The following WDR47 variants were observed in gnomAD, a reference collection of about 807,000 sequenced individuals.
The protein encoded by WDR47 is WD repeat domain 47.
Under a neutral mutation model 97.2 loss-of-function variants are expected in WDR47, and 32 were observed. That is an observed-to-expected ratio of 0.33 (90% CI 0.25 to 0.44). The LOEUF (loss-of-function observed/expected upper bound fraction) is 0.44, where lower values mean the gene tolerates loss of function less well. Among genes scored for constraint, WDR47 ranks in the 20% least tolerant of loss-of-function variants. The pLI is 1.00. For missense variants in WDR47, 782 were observed against 1,102.3 expected (o/e 0.71, Z 4.11); for synonymous variants, 375 against 373.5 (o/e 1.00, Z -0.05).
chr1:109,008,353 T>A (rs2101929647), intron 5 of WDR47, among the ~76,000 whole-genome samples: 1 of 151,420 alleles, frequency 6.6e-6, no homozygotes, highest in East Asian at 2.0e-4. Context: ...TCACTACACC[T>A]CTGCCTCCCA....
chr1:108,993,608 A>G, intron 8 of WDR47, among the ~76,000 whole-genome samples: 2 of 152,202 alleles, frequency 1.3e-5, no homozygotes, highest in Non-Finnish European at 2.9e-5. Flanking sequence ...AGGAAATCCC[A>G]GCAGAACAGT....
At chr1:109,011,814 C>A in intron 4 of WDR47, 96 bp from the exon 5 acceptor site, 2 of 1,123,790 alleles carry the variant, frequency 1.8e-6, no homozygotes, top group Non-Finnish European at 2.5e-6. Flanking sequence ...TATATTGCCA[C>A]AGAATACTCA....
chr1:108,974,002 T>G (rs1280708243), intron 14 of WDR47, among the ~76,000 whole-genome samples: 2 of 152,154 alleles, frequency 1.3e-5, no homozygotes, highest in Admixed American at 6.6e-5. Flanking sequence ...GAGACCAGCC[T>G]GCGCAACATG....
intron 14 of WDR47, among the ~76,000 whole-genome samples, chr1:108,973,267 A>AG (rs1294220532): frequency 1.3e-5 from 2 of 152,304 alleles, no homozygotes; most frequent in African/African-American, 4.8e-5. Context: ...CAACAGAACA[A>AG]GACTCTGTCT....
rs561050099 is a variant in WDR47, at chr1:108,996,310, G to A, written c.1434-473C>T. Among the ~76,000 whole-genome samples, 26 of 152,132 alleles carry A rather than the reference G, an allele frequency of 1.7e-4. No individual in the cohort carries two copies. In the East Asian group the frequency reaches 3.5e-3, roughly 20 times the overall value. On this transcript the variant is annotated intron_variant, in intron 7 of 14. Transcript: ENST00000369962. Reference sequence around the variant, plus strand: ...GGTTCAAGCTATCCTCCTGCCTTCCGCCCAAAGTGCTGGGATTATAGGCAT... The same window carrying A: ...GGTTCAAGCTATCCTCCTGCCTTCCACCCAAAGTGCTGGGATTATAGGCAT...
intron 1 of WDR47, among the ~76,000 whole-genome samples, chr1:109,036,602 C>G (rs762843896): frequency 6.6e-6 from 1 of 150,906 alleles, no homozygotes; most frequent in Non-Finnish European, 1.5e-5. Context: ...TTTGGAAGGC[C>G]GAGGCAAGCG....
chr1:109,011,466 A>T lies in WDR47; in HGVS notation c.580T>A (p.Leu194Ile). Reference protein sequence around the residue: ...EAGFKASNNRLFQLVMKGLLY... With the variant: ...EAGFKASNNRIFQLVMKGLLY... Reference sequence around the variant, plus strand: ...AGGCCTTTCATTACAAGCTGAAATAAACGATTGTTACTAGCCTTAAAACCA... The same window carrying T: ...AGGCCTTTCATTACAAGCTGAAATATACGATTGTTACTAGCCTTAAAACCA... Residue 194 changes from leucine (L) to isoleucine (I), a missense_variant, in exon 5 of 15, where the codon TTA becomes ATA. Leu to Ile is a conservative substitution (Grantham distance 5). Transcript: ENST00000369962. 6.2e-7 allele frequency: 1 copy of T among 1,614,162 alleles called. No homozygotes were observed. The highest frequency in any genetic ancestry group is 8.5e-7 in the Non-Finnish European group (1 of 1,180,034).
At chr1:108,972,617 A>G (rs1243636604) in intron 14 of WDR47, among the ~76,000 whole-genome samples, 1 of 152,142 alleles carries the variant, frequency 6.6e-6, no homozygotes, top group African/African-American at 2.4e-5. Flanking sequence ...CTGTTAACCT[A>G]TAACTGCTAT....
At chr1:108,996,794 C>T (rs1659781107) in intron 7 of WDR47, among the ~76,000 whole-genome samples, 1 of 152,192 alleles carries the variant, frequency 6.6e-6, no homozygotes, top group Non-Finnish European at 1.5e-5. Context: ...ACAAAGGGCA[C>T]AAACAGGAAG....
At position 108,990,147 on chromosome 1, in the gene WDR47, A is replaced by G. The variant is rs189132520; in HGVS notation, c.1767+1107T>C. Among the ~76,000 whole-genome samples, 321 of 152,146 alleles carry G rather than the reference A, an allele frequency of 2.1e-3. 2 individuals are homozygous for G. The highest frequency in any genetic ancestry group is 7.3e-3 in the African/African-American group (305 of 41,528). On this transcript the variant is annotated intron_variant, in intron 9 of 14. Coordinates refer to ENST00000369962, the MANE Select transcript of WDR47 (RefSeq NM_001142551.2). ...GAGGTCGAGGTGGGAGGATTGCTTG[A>G]GCCCAGGAATTTGAGACCAGCCTGG...
chr1:108,981,243 TGTGTGTGTGTGC>T lies in WDR47; in HGVS notation c.2398+478_2398+489del, dbSNP rs1308332446. Among the ~76,000 whole-genome samples the T allele has an allele frequency of 7.9e-5, 12 of 152,118 alleles. 1 individual carries two copies. Among genetic ancestry groups the T allele is most frequent in the African/African-American group, 2.9e-4 (12 of 41,520 alleles). On this transcript the variant is annotated intron_variant, in intron 13 of 14. Coordinates refer to ENST00000369962, the MANE Select transcript of WDR47 (RefSeq NM_001142551.2). ...TGTAATGCATGCTACCATTTGTGTG[TGTGTGTGTGTGC>T]GTGTGTGTGTATTTGTGTTTACAGG...
Position 109,028,362 on chromosome 1 carries a change from G to GTTTTTTTTTTTTTTT in WDR47, c.-9-4856_-9-4842dup, listed in dbSNP as rs372929187. Among the ~76,000 whole-genome samples, 35 of 79,798 alleles carry GTTTTTTTTTTTTTTT rather than the reference G, an allele frequency of 4.4e-4. 1 individual carries two copies. The highest frequency in any genetic ancestry group is 5.4e-4 in the Non-Finnish European group (25 of 46,562). 52.4% of individuals were successfully genotyped at this position (79,798 alleles called of 152,430 possible). On this transcript the variant is annotated intron_variant, in intron 1 of 14. Transcript: ENST00000369962. ...ACTGGGCCCAGCTAATTTTTGTTGG[G>GTTTTTTTTTTTTTTT]TTTTTTTTTTTTTTTTTTTTTTGTA...
intron 3 of WDR47, among the ~76,000 whole-genome samples, chr1:109,015,368 G>C (rs1661340161): frequency 6.6e-6 from 1 of 152,118 alleles, no homozygotes; most frequent in South Asian, 2.1e-4. Flanking sequence ...CTGTCGCCCA[G>C]GCTGGAGTGC....
At chr1:108,988,340 T>C (rs962473174) in intron 9 of WDR47, among the ~76,000 whole-genome samples, 6 of 150,984 alleles carry the variant, frequency 4.0e-5, no homozygotes, top group African/African-American at 1.5e-4. Flanking sequence ...TTCTAACAAA[T>C]AGAGTTTCAT....
intron 7 of WDR47, among the ~76,000 whole-genome samples, chr1:108,998,388 C>T (rs563056603): frequency 2.0e-5 from 3 of 151,884 alleles, no homozygotes; most frequent in South Asian, 2.1e-4. Context: ...TTGTGGTCCC[C>T]GCTACCTGGG....
chr1:108,978,904 G>A (rs1658128115), intron 13 of WDR47, among the ~76,000 whole-genome samples: 1 of 152,138 alleles, frequency 6.6e-6, no homozygotes, highest in South Asian at 2.1e-4. Flanking sequence ...AAGACTGAGG[G>A]TAAGGAAATG....
chr1:109,003,109 G>A (rs1277062301), intron 6 of WDR47, among the ~76,000 whole-genome samples: 1 of 152,148 alleles, frequency 6.6e-6, no homozygotes, highest in Non-Finnish European at 1.5e-5. Context: ...CACTTCAGAA[G>A]GATACGTATT....
At chr1:108,996,103 G>T (rs948911897) in intron 7 of WDR47, among the ~76,000 whole-genome samples, 6 of 152,178 alleles carry the variant, frequency 3.9e-5, no homozygotes, top group African/African-American at 1.4e-4. Flanking sequence ...GTCTCGCTCT[G>T]TTGCCCAGGC....
chr1:108,995,895 T>C (rs1212076234), intron 7 of WDR47, 58 bp from the exon 8 acceptor site: 5 of 1,531,752 alleles, frequency 3.3e-6, no homozygotes, highest in Non-Finnish European at 4.5e-6. Flanking sequence ...ATTCCTAATA[T>C]ATACAAGGTT....
Sources: gnomAD v4.1 joint callset for allele counts (sites outside exome capture counted in the v4.1 genomes callset) on GRCh38, gnomAD v4.1.1 for gene constraint, MANE v1.5 for transcripts, NCBI Gene and HGNC (gene_info 2026-07-23, HGNC 2026-07-21) for gene names.